CSMD1: variants seen among roughly 807,000 people sequenced by gnomAD.
The protein encoded by CSMD1 is CUB and Sushi multiple domains 1.
In CSMD1, 213 loss-of-function variants were observed where a neutral mutation model predicts 417.5. The observed-to-expected ratio is 0.51, with a 90% CI of 0.46 to 0.57. The LOEUF is 0.57. CSMD1 is among the 20% of genes least tolerant of loss of function. The pLI is 0.00. For missense variants in CSMD1, 6,923 were observed against 4,529.7 expected, an observed-to-expected ratio of 1.53 and a Z score of -15.17; for synonymous variants, 2,862 against 1,736.8, an observed-to-expected ratio of 1.65 and a Z score of -16.11.
chr8:3,287,593 GCTCT>G (rs1194414974), intron 25 of CSMD1, among the ~76,000 whole-genome samples: 1 of 152,022 alleles, frequency 6.6e-6, no homozygotes, highest in South Asian at 2.1e-4. Context: ...TCATGATTTG[GCTCT>G]CTGTTTGTCT....
intron 3 of CSMD1, among the ~76,000 whole-genome samples, chr8:4,142,482 A>G (rs978775669): frequency 6.6e-6 from 1 of 151,322 alleles, no homozygotes; most frequent in Admixed American, 6.6e-5. Flanking sequence ...GTTATTTGCT[A>G]AATTCACAAG....
intron 2 of CSMD1, among the ~76,000 whole-genome samples, chr8:4,421,151 T>A (rs1028638548): frequency 6.6e-6 from 1 of 152,186 alleles, no homozygotes; most frequent in African/African-American, 2.4e-5. Flanking sequence ...AAAGAAACCA[T>A]TGTCATACCA....
chr8:4,871,722 T>C (rs1306730754), intron 1 of CSMD1, among the ~76,000 whole-genome samples: 1 of 152,088 alleles, frequency 6.6e-6, no homozygotes, highest in Non-Finnish European at 1.5e-5. Context: ...GCTCAATGCA[T>C]AATTTCAGAG....
intron 25 of CSMD1, among the ~76,000 whole-genome samples, chr8:3,307,489 G>A (rs79221543): frequency 1.3e-5 from 2 of 152,120 alleles, no homozygotes; most frequent in Non-Finnish European, 2.9e-5. Flanking sequence ...TCTCATTTTG[G>A]CTTTACTATA....
intron 23 of CSMD1, among the ~76,000 whole-genome samples, chr8:3,323,448 C>G (rs1806284400): frequency 6.6e-6 from 1 of 150,596 alleles, no homozygotes; most frequent in Non-Finnish European, 1.5e-5. Flanking sequence ...CATTCTGAAC[C>G]CCTCTCTCTC....
At chr8:4,385,319 C>T (rs1265802564) in intron 3 of CSMD1, among the ~76,000 whole-genome samples, 2 of 152,214 alleles carry the variant, frequency 1.3e-5, no homozygotes, top group East Asian at 1.9e-4. Flanking sequence ...TGTAGTCTGA[C>T]AGGCAGTCAC....
intron 1 of CSMD1, among the ~76,000 whole-genome samples, chr8:4,972,724 T>C (rs969361637): frequency 3.3e-5 from 5 of 152,132 alleles, no homozygotes; most frequent in African/African-American, 1.2e-4. Flanking sequence ...GTAAGAAATA[T>C]TGTTTGAGTT....
chr8:4,368,725 C>G (rs998981617), intron 3 of CSMD1, among the ~76,000 whole-genome samples: 1 of 152,030 alleles, frequency 6.6e-6, no homozygotes, highest in Admixed American at 6.6e-5. Flanking sequence ...TTTATCTAGT[C>G]TCCTAGGTTT....
chr8:4,231,274 G>C (rs1481996503), intron 3 of CSMD1, among the ~76,000 whole-genome samples: 2 of 152,168 alleles, frequency 1.3e-5, no homozygotes, highest in Non-Finnish European at 2.9e-5. Context: ...TGTTACCAGA[G>C]GCAGTGATGC....
chr8:4,787,958 C>A (rs1797497154), intron 1 of CSMD1: 4 of 1,595,690 alleles, frequency 2.5e-6, no homozygotes, highest in East Asian at 4.5e-5. Context: ...CCTGGAGACT[C>A]TGGCCATCAG....
At chr8:4,016,558 G>A (rs1769005380) in intron 4 of CSMD1, among the ~76,000 whole-genome samples, 4 of 152,252 alleles carry the variant, frequency 2.6e-5, no homozygotes, top group South Asian at 4.1e-4. Flanking sequence ...GAGAAAAGAT[G>A]AAGATTCACT....
intron 1 of CSMD1, among the ~76,000 whole-genome samples, chr8:4,962,477 CT>C (rs1390180272): frequency 2.0e-5 from 3 of 152,112 alleles, no homozygotes; most frequent in Admixed American, 2.0e-4. Context: ...ATCTAAAGCT[CT>C]GAGATTCCAG....
intron 3 of CSMD1, among the ~76,000 whole-genome samples, chr8:4,056,153 C>G (rs1336416666): frequency 7.5e-6 from 1 of 133,974 alleles, no homozygotes. Flanking sequence ...ACCATCTTGG[C>G]TTACTCCAAC....
chr8:3,928,240 A>G (rs1344120904), intron 5 of CSMD1, among the ~76,000 whole-genome samples: 3 of 152,214 alleles, frequency 2.0e-5, no homozygotes, highest in African/African-American at 7.2e-5. Flanking sequence ...AGTAGGTATA[A>G]TTAATACAGC....
rs970842622 is a variant in CSMD1, at chr8:4,134,981, T to C, written c.416-102882A>G. 3.3e-5 allele frequency among the ~76,000 whole-genome samples: 5 copies of C among 152,202 alleles called. 1 individual carries two copies. In the South Asian group the frequency reaches 1.0e-3, roughly 31 times the overall value. On this transcript the variant is annotated intron_variant, in intron 3 of 69. Coordinates refer to ENST00000635120, the MANE Select transcript of CSMD1 (RefSeq NM_033225.6). The stretch of plus-strand genomic sequence containing the variant: ...TGTATACTAGGCAGGCTCAGCTTAG[T>C]GTCTGGGTTCTCTTCTGCCTCTAGA...
chr8:3,672,468 C>T (rs1173888035), intron 7 of CSMD1, among the ~76,000 whole-genome samples: 2 of 152,156 alleles, frequency 1.3e-5, no homozygotes, highest in Non-Finnish European at 1.5e-5. Context: ...ATGTTCAAAA[C>T]ACGTGTAGGT....
At chr8:3,252,861 T>C (rs1487162657) in intron 26 of CSMD1, among the ~76,000 whole-genome samples, 3 of 152,250 alleles carry the variant, frequency 2.0e-5, no homozygotes, top group Admixed American at 1.3e-4. Flanking sequence ...GAGGTGTTTA[T>C]AGTATTCTCT....
At chr8:3,656,667 C>A (rs1044422983) in intron 7 of CSMD1, among the ~76,000 whole-genome samples, 1 of 152,162 alleles carries the variant, frequency 6.6e-6, no homozygotes, top group African/African-American at 2.4e-5. Context: ...GTGGCTCACG[C>A]CTGTAATCCC....
chr8:3,975,330 G>C (rs1050759219), intron 5 of CSMD1, among the ~76,000 whole-genome samples: 1 of 152,134 alleles, frequency 6.6e-6, no homozygotes, highest in Non-Finnish European at 1.5e-5. Context: ...CAGTTTGGAT[G>C]TTTGTGGACA....
Sources: gnomAD v4.1 joint callset for allele counts (sites outside exome capture counted in the v4.1 genomes callset) on GRCh38, gnomAD v4.1.1 for gene constraint, MANE v1.5 for transcripts, NCBI Gene and HGNC (gene_info 2026-07-23, HGNC 2026-07-21) for gene names.